The following CLEC9A variants were observed in gnomAD, a reference collection of about 807,000 sequenced individuals.
The protein encoded by CLEC9A is C-type lectin domain containing 9A, also known as C-type lectin domain family 9 member A.
A neutral mutation model predicts 30.0 loss-of-function variants in CLEC9A; 24 were observed. The observed-to-expected ratio is 0.80, with a 90% CI of 0.58 to 1.13. The LOEUF is 1.13. CLEC9A is among the 50% of genes most tolerant of loss of function. The pLI, the probability that CLEC9A is intolerant of heterozygous loss-of-function variation, is 0.00. For missense variants in CLEC9A, 251 were observed against 280.9 expected (o/e 0.89, Z 0.76); for synonymous variants, 111 against 96.8 (o/e 1.15, Z -0.86).
At chr12:10,035,925 G>A (rs1272990667) in intron 1 of CLEC9A, among the ~76,000 whole-genome samples, 1 of 152,186 alleles carries the variant, frequency 6.6e-6, no homozygotes, top group Non-Finnish European at 1.5e-5. Context: ...CTTTTTACAA[G>A]AAGTATACTT....
rs1866038761 is a variant in CLEC9A at position 10,065,660 on chromosome 12, A to C, written c.*28A>C. On this transcript the variant is annotated 3_prime_UTR_variant, in exon 9 of 9. Transcript: ENST00000355819. ...GAAATTGTGTTCAAAGTGTTCTATT[A>C]CACTGTTATTTGGAGCATGCCATTG... is the stretch of plus-strand genomic sequence containing the variant. 2 of 1,612,300 alleles carry C rather than the reference A, an allele frequency of 1.2e-6. No individual in the cohort carries two copies. The highest frequency in any genetic ancestry group is 1.1e-5 in the South Asian group (1 of 90,904).
At chr12:10,059,557 C>A (rs746489901) in intron 5 of CLEC9A, among the ~76,000 whole-genome samples, 2 of 152,012 alleles carry the variant, frequency 1.3e-5, no homozygotes, top group African/African-American at 2.4e-5. Flanking sequence ...AAAGGAAAAG[C>A]TGGTAAGTTG....
chr12:10,033,994 T>C (rs1865723619), intron 1 of CLEC9A, among the ~76,000 whole-genome samples: 1 of 151,794 alleles, frequency 6.6e-6, no homozygotes, highest in South Asian at 2.1e-4. Flanking sequence ...AGACAGAGGA[T>C]GGATATAGGA....
Position 10,052,913 on chromosome 12 carries a change from C to T in CLEC9A, c.91+135C>T, listed in dbSNP as rs541684396. ...AGGGTACTGTAATGTCCGTGAAATG[C>T]TAATGAAGTGGAGAAGGATTAAGTA... On this transcript the variant is annotated intron_variant, in intron 4 of 8. Transcript: ENST00000355819. 1.7e-4 allele frequency: 158 copies of T among 920,732 alleles called. 1 individual carries two copies. In the South Asian group the frequency reaches 3.6e-3, roughly 21 times the overall value. 57.0% of individuals were successfully genotyped at this position (920,732 alleles called of 1,614,324 possible).
intron 2 of CLEC9A, among the ~76,000 whole-genome samples, chr12:10,045,318 C>A (rs746540972): frequency 5.3e-5 from 8 of 152,164 alleles, no homozygotes; most frequent in Non-Finnish European, 1.2e-4. Flanking sequence ...GATATACATA[C>A]CTTGTACTAC....
At chr12:10,056,454 G>T (rs1421220462) in intron 5 of CLEC9A, among the ~76,000 whole-genome samples, 1 of 152,136 alleles carries the variant, frequency 6.6e-6, no homozygotes, top group African/African-American at 2.4e-5. Flanking sequence ...TGGCTGATGA[G>T]ATCAATTGTA....
chr12:10,049,553 A>C (rs1442605639), intron 2 of CLEC9A, among the ~76,000 whole-genome samples: 1 of 152,210 alleles, frequency 6.6e-6, no homozygotes, highest in African/African-American at 2.4e-5. Context: ...CAGTTTCTAA[A>C]TCAGTATTTG....
At chr12:10,065,201 C>G (rs1477794661) in intron 8 of CLEC9A, among the ~76,000 whole-genome samples, 2 of 152,146 alleles carry the variant, frequency 1.3e-5, no homozygotes, top group Non-Finnish European at 2.9e-5. Context: ...GATGGAGAAG[C>G]AGAATCAGGT....
intron 2 of CLEC9A, among the ~76,000 whole-genome samples, chr12:10,050,218 A>G (rs1865881324): frequency 6.6e-6 from 1 of 152,222 alleles, no homozygotes; most frequent in African/African-American, 2.4e-5. Flanking sequence ...AAACAATTAT[A>G]ACAGTAACAT....
intron 5 of CLEC9A, among the ~76,000 whole-genome samples, chr12:10,055,848 G>T (rs1483969231): frequency 6.6e-6 from 1 of 151,852 alleles, no homozygotes; most frequent in Non-Finnish European, 1.5e-5. Flanking sequence ...CCTGAGGTCA[G>T]GAGTTCAAGA....
chr12:10,057,103 G>T (rs191113701), intron 5 of CLEC9A, among the ~76,000 whole-genome samples: 1 of 152,090 alleles, frequency 6.6e-6, no homozygotes, highest in African/African-American at 2.4e-5. Flanking sequence ...TAAAACTGTT[G>T]TGTTAAGCAA....
rs750734722 is a variant in CLEC9A, at chr12:10,052,654, G to T, written c.-34G>T. The T allele has an allele frequency of 1.9e-6, 3 of 1,611,278 alleles. No individual in the cohort carries two copies. The highest frequency in any genetic ancestry group is 2.2e-5 in the South Asian group (2 of 90,784). On this transcript the variant is annotated 5_prime_UTR_variant, in exon 4 of 9. Transcript: ENST00000355819. ...GAGGAGTTACTTGTTCCAGCCTCCT[G>T]TGTGGACTGCTTTCCTATCAAAGCA...
intron 2 of CLEC9A, chr12:10,043,209 C>G (rs1334391630): frequency 2.5e-6 from 1 of 401,880 alleles, no homozygotes; most frequent in African/African-American, 2.1e-5. Flanking sequence ...TTTATGTTTA[C>G]AATAGGAATA....
intron 1 of CLEC9A, 115 bp from the exon 2 acceptor site, chr12:10,041,351 A>T: frequency 4.1e-6 from 1 of 244,970 alleles, no homozygotes; most frequent in Non-Finnish European, 8.3e-6. Flanking sequence ...CCCCTGGAGC[A>T]TTTCTCTGAT....
intron 1 of CLEC9A, among the ~76,000 whole-genome samples, chr12:10,034,489 G>T (rs138621025): frequency 6.6e-6 from 1 of 152,092 alleles, no homozygotes; most frequent in Non-Finnish European, 1.5e-5. Flanking sequence ...CTTTGCTTTC[G>T]ATGTAAAATT....
At position 10,060,938 on chromosome 12, in the gene CLEC9A, G is replaced by C. The variant is rs2137313865; in HGVS notation, c.173-189G>C. On this transcript the variant is annotated intron_variant, in intron 5 of 8. Coordinates refer to ENST00000355819, the MANE Select transcript of CLEC9A (RefSeq NM_207345.4). ...AGCAAATTAAAAATGGGTGCAAAGA[G>C]ACATTTTGTTCCACGTCTTTTGTAG... 5 of 572,548 alleles carry C rather than the reference G, an allele frequency of 8.7e-6. No homozygotes were observed. In the South Asian group the frequency reaches 1.1e-4, roughly 12 times the overall value. 35.5% of individuals were successfully genotyped at this position (572,548 alleles called of 1,614,324 possible).
chr12:10,048,602 G>A (rs975921107), intron 2 of CLEC9A, among the ~76,000 whole-genome samples: 5 of 152,182 alleles, frequency 3.3e-5, no homozygotes, highest in African/African-American at 1.2e-4. Flanking sequence ...TTCACCAGGA[G>A]TAATATTTGT....
At chr12:10,064,692 T>C in intron 7 of CLEC9A, 40 bp from the exon 8 acceptor site, 1 of 1,564,034 alleles carries the variant, frequency 6.4e-7, no homozygotes, top group Non-Finnish European at 8.6e-7. Context: ...GTTTTGTTTG[T>C]TTGTTTTTCT....
chr12:10,047,715 T>G (rs1158877963), intron 2 of CLEC9A, among the ~76,000 whole-genome samples: 1 of 152,240 alleles, frequency 6.6e-6, no homozygotes, highest in East Asian at 1.9e-4. Flanking sequence ...TGCCCTAAAC[T>G]GTCGCCTATT....
Sources: gnomAD v4.1 joint callset for allele counts (sites outside exome capture counted in the v4.1 genomes callset) on GRCh38, gnomAD v4.1.1 for gene constraint, MANE v1.5 for transcripts, NCBI Gene and HGNC (gene_info 2026-07-23, HGNC 2026-07-21) for gene names.